Variants in DNAH3 observed in about 807,000 individuals in gnomAD.
The protein encoded by DNAH3 is axonemal beta dynein heavy chain 3.
A neutral mutation model predicts 432.5 loss-of-function variants in DNAH3; 332 were observed. The ratio of observed to expected loss-of-function variants is 0.77; its 90% CI spans 0.70 to 0.84. The LOEUF (loss-of-function observed/expected upper bound fraction) is 0.84. DNAH3 is among the 40% of genes least tolerant of loss of function. DNAH3 has a pLI of 0.00. For missense variants in DNAH3, 4,861 were observed against 5,114.0 expected (o/e 0.95, Z 1.51); for synonymous variants, 1,956 against 1,900.2 (o/e 1.03, Z -0.76).
intron 41 of DNAH3, among the ~76,000 whole-genome samples, chr16:21,009,950 G>A (rs572845427): frequency 7.0e-6 from 1 of 142,682 alleles, no homozygotes; most frequent in Admixed American, 7.4e-5. Flanking sequence ...GGAAAAGAAG[G>A]AAGGGAAGGG....
chr16:21,081,677 G>A (rs1280145265), exon 20 of DNAH3: 8 of 1,613,796 alleles, frequency 5.0e-6, no homozygotes, highest in African/African-American at 1.3e-5. Context: ...GCATATTTGA[G>A]AGGCAGGTCG....
intron 22 of DNAH3, 77 bp downstream of exon 22, chr16:21,070,633 G>T: frequency 1.2e-6 from 1 of 867,386 alleles, no homozygotes; most frequent in Non-Finnish European, 1.9e-6. Flanking sequence ...TTAACTGAAC[G>T]TGAAAACCTT....
At position 20,959,652 on chromosome 16, in the gene DNAH3, CACA is replaced by C. The variant is rs1567529858; in HGVS notation, c.10601-251_10601-249del. On this transcript the variant is annotated intron_variant, in intron 53 of 61. Coordinates refer to ENST00000261383, the Ensembl canonical transcript of DNAH3. ...ACACACACACACACACACACACACA[CACA>C]CCCCAACACAAAAGGTGGGGTTCAC... 3.5e-3 allele frequency among the ~76,000 whole-genome samples: 513 copies of C among 145,778 alleles called. 1 individual carries two copies. Among genetic ancestry groups the C allele is most frequent in the Non-Finnish European group, 5.5e-3 (363 of 65,506 alleles).
chr16:21,098,906 A>T, intron 16 of DNAH3, 137 bp from the exon 17 acceptor site: 1 of 812,980 alleles, frequency 1.2e-6, no homozygotes, highest in Non-Finnish European at 1.9e-6. Context: ...AATACTCCCA[A>T]CTCCATCTTT....
chr16:20,945,027 A>G (rs1276333891), intron 57 of DNAH3, among the ~76,000 whole-genome samples: 1 of 152,178 alleles, frequency 6.6e-6, no homozygotes, highest in Non-Finnish European at 1.5e-5. Flanking sequence ...ACTGGGTAAA[A>G]TAAGGCTGAC....
intron 21 of DNAH3, 105 bp downstream of exon 21, chr16:21,075,342 T>G (rs1019889619): frequency 3.6e-6 from 3 of 839,790 alleles, no homozygotes; most frequent in East Asian, 2.5e-5. Context: ...TGAGCGATTA[T>G]TTCTCTGTGA....
In DNAH3 at chr16:21,085,795, TG is replaced by T. The variant is rs200590844; in HGVS notation, c.2877+1053del. On this transcript the variant is annotated intron_variant, in intron 19 of 61. Coordinates refer to ENST00000261383, the Ensembl canonical transcript of DNAH3. ...TCCTCAGTCTTATACGTGGCTTTTT[TG>T]TCCCCCCGTTACCCAGGCTGGAGTG... is the stretch of plus-strand genomic sequence containing the variant. Among the ~76,000 whole-genome samples the T allele has an allele frequency of 6.8e-4, 103 of 151,960 alleles. 2 individuals carry two copies. The East Asian group carries it at 0.013, about 20-fold the overall frequency.
Position 21,030,980 on chromosome 16 carries a change from CACTT to C in DNAH3, c.5439+61_5439+64del, listed in dbSNP as rs1248883394. On this transcript the variant is annotated intron_variant, in intron 37 of 61. Transcript: ENST00000261383. ...ATGTCTCTATATAGTTTTGATCAAT[CACTT>C]ACTTCAATAAAAGAGTTTATGTCTC... is the stretch of plus-strand genomic sequence containing the variant. The C allele has an allele frequency of 4.5e-6, 7 of 1,540,848 alleles. No individual in the cohort carries two copies. In the African/African-American group the frequency reaches 5.5e-5, roughly 12 times the overall value.
intron 27 of DNAH3, 130 bp from the exon 28 acceptor site, chr16:21,054,664 A>C (rs2152746279): frequency 1.6e-6 from 1 of 637,690 alleles, no homozygotes; most frequent in East Asian, 2.8e-5. Context: ...CTCAAGTCCA[A>C]CTTTTCCTTA....
At chr16:21,155,760 G>C (rs72780895) in intron 1 of DNAH3, among the ~76,000 whole-genome samples, 24,203 of 150,614 alleles carry the variant, frequency 0.16, 2,379 homozygotes, top group South Asian at 0.25. Flanking sequence ...GTTTTTATTT[G>C]CCAAATCTGC....
intron 54 of DNAH3, among the ~76,000 whole-genome samples, chr16:20,957,486 G>A (rs570235020): frequency 2.6e-5 from 4 of 152,086 alleles, no homozygotes; most frequent in South Asian, 2.1e-4. Flanking sequence ...TTTGGCTATC[G>A]GGCCATAGGT....
chr16:21,094,499 C>T (rs541580215), intron 18 of DNAH3, among the ~76,000 whole-genome samples: 3 of 152,078 alleles, frequency 2.0e-5, no homozygotes, highest in East Asian at 1.9e-4. Context: ...GGTGAAACCC[C>T]GGCTCTACGA....
chr16:21,156,670 T>C (rs1297869128), intron 1 of DNAH3, among the ~76,000 whole-genome samples: 4 of 152,060 alleles, frequency 2.6e-5, no homozygotes, highest in Non-Finnish European at 4.4e-5. Flanking sequence ...AGCAAGTAAT[T>C]GGGAAAGCAT....
At chr16:21,024,863 A>T (rs929314667) in intron 38 of DNAH3, among the ~76,000 whole-genome samples, 162 bp from the exon 39 acceptor site, 6 of 152,184 alleles carry the variant, frequency 3.9e-5, no homozygotes, top group Non-Finnish European at 8.8e-5. Flanking sequence ...TCTTGTGTTC[A>T]TCTGCCCCTT....
Position 21,060,359 on chromosome 16 carries a change from A to AT in DNAH3, c.3721-4dup. ...TGGAGCCACTTTTCCACCATGCCCT[A>AT]TGGAGCAAGACAGAGAGAGGGTGCA... On this transcript the variant is annotated splice_polypyrimidine_tract_variant and splice_region_variant and intron_variant, in intron 25 of 61. Coordinates refer to ENST00000261383, the Ensembl canonical transcript of DNAH3. The AT allele has an allele frequency of 6.2e-7, 1 of 1,612,866 alleles. No individual in the cohort carries two copies. The highest frequency in any genetic ancestry group is 8.5e-7 in the Non-Finnish European group (1 of 1,179,238).
At chr16:20,969,988 G>A (rs1239434887) in exon 52 of DNAH3, 18 of 1,613,658 alleles carry the variant, frequency 1.1e-5, no homozygotes, top group Middle Eastern at 1.6e-4. Context: ...CCTCACATTC[G>A]TTCTGTGGGC....
intron 24 of DNAH3, chr16:21,062,885 G>A (rs2152754096): frequency 1.8e-6 from 1 of 570,424 alleles, no homozygotes; most frequent in East Asian, 3.0e-5. Flanking sequence ...ATGAGGTCTT[G>A]CCATATTGCC....
At chr16:21,065,681 C>T (rs2090518746) in intron 24 of DNAH3, among the ~76,000 whole-genome samples, 1 of 152,174 alleles carries the variant, frequency 6.6e-6, no homozygotes, top group South Asian at 2.1e-4. Flanking sequence ...CCTCAGTCAC[C>T]TCAACCACAT....
intron 20 of DNAH3, among the ~76,000 whole-genome samples, chr16:21,076,517 A>G (rs754527558): frequency 2.0e-5 from 3 of 152,190 alleles, no homozygotes; most frequent in African/African-American, 7.2e-5. Context: ...ACCCCAGCAG[A>G]CCAGACCAAA....
Sources: gnomAD v4.1 joint callset for allele counts (sites outside exome capture counted in the v4.1 genomes callset) on GRCh38, gnomAD v4.1.1 for gene constraint, MANE v1.5 for transcripts, NCBI Gene and HGNC (gene_info 2026-07-23, HGNC 2026-07-21) for gene names.